Variants in C2CD5 observed in about 807,000 individuals in gnomAD.
C2CD5 encodes C2 calcium dependent domain containing 5, also known as C2 domain-containing protein 5.
C2CD5 carries 109 observed loss-of-function variants against 130.3 expected under a neutral mutation model. That is an observed-to-expected ratio of 0.84 (90% CI 0.72 to 0.98). The LOEUF (loss-of-function observed/expected upper bound fraction) is 0.98, where lower values mean the gene tolerates loss of function less well. Among genes scored for constraint, C2CD5 ranks in the 50% least tolerant of loss-of-function variants. The probability of loss-of-function intolerance (pLI) is 0.00; values close to 1 mark genes in which losing one functional copy is unlikely to be tolerated. For synonymous variants in C2CD5, 454 were observed against 429.2 expected, an observed-to-expected ratio of 1.06 and a Z score of -0.71; for missense variants, 996 against 1,261.8, an observed-to-expected ratio of 0.79 and a Z score of 3.19.
At chr12:22,478,546 T>C (rs1944214899) in intron 14 of C2CD5, 69 bp from the exon 15 acceptor site, 3 of 1,371,528 alleles carry the variant, frequency 2.2e-6, no homozygotes, top group Non-Finnish European at 2.0e-6. Flanking sequence ...AGTTTTCATA[T>C]TTAAGAATGT....
At chr12:22,543,880 C>T (rs1057380126) in intron 2 of C2CD5, among the ~76,000 whole-genome samples, 181 bp downstream of exon 2, 1 of 152,134 alleles carries the variant, frequency 6.6e-6, no homozygotes, top group Non-Finnish European at 1.5e-5. Flanking sequence ...CGCCTGCAAG[C>T]CGTGCACCCA....
chr12:22,510,407 T>G (rs1185704557), intron 9 of C2CD5, among the ~76,000 whole-genome samples: 1 of 152,194 alleles, frequency 6.6e-6, no homozygotes, highest in Non-Finnish European at 1.5e-5. Context: ...ATAAAAATAT[T>G]TAATAGTGTG....
intron 2 of C2CD5, among the ~76,000 whole-genome samples, chr12:22,537,285 C>T (rs1220137829): frequency 6.6e-6 from 1 of 152,126 alleles, no homozygotes; most frequent in Non-Finnish European, 1.5e-5. Context: ...CAGGGTGGTG[C>T]GTGCCTGGAG....
chr12:22,505,657 C>T (rs1948429911), intron 10 of C2CD5, among the ~76,000 whole-genome samples: 1 of 152,072 alleles, frequency 6.6e-6, no homozygotes, highest in Non-Finnish European at 1.5e-5. Context: ...ATGGAAAGTT[C>T]CCACTATTCA....
At chr12:22,536,473 C>T (rs1199513977) in intron 2 of C2CD5, among the ~76,000 whole-genome samples, 1 of 152,118 alleles carries the variant, frequency 6.6e-6, no homozygotes, top group East Asian at 1.9e-4. Context: ...TTCACATAAG[C>T]CCTCCCCACC....
At chr12:22,454,130 A>C (rs938819798) in intron 25 of C2CD5, 88 bp from the exon 26 acceptor site, 18 of 1,026,710 alleles carry the variant, frequency 1.8e-5, no homozygotes, top group Middle Eastern at 4.4e-4. Flanking sequence ...ATATATATTA[A>C]AACATCCTAA....
At chr12:22,475,716 C>T (rs756612446) in intron 15 of C2CD5, among the ~76,000 whole-genome samples, 27 of 152,218 alleles carry the variant, frequency 1.8e-4, no homozygotes, top group Admixed American at 1.6e-3. Context: ...TAAAAGACTA[C>T]CACTGCACAA....
At chr12:22,540,828 C>T (rs1215996281) in intron 2 of C2CD5, among the ~76,000 whole-genome samples, 1 of 152,176 alleles carries the variant, frequency 6.6e-6, no homozygotes, top group Non-Finnish European at 1.5e-5. Flanking sequence ...CACTACACTC[C>T]AGCCTGGGTG....
chr12:22,471,559 T>C, intron 19 of C2CD5, 71 bp from the exon 20 acceptor site: 1 of 800,434 alleles, frequency 1.2e-6, no homozygotes, highest in Non-Finnish European at 2.0e-6. Context: ...TTTTTTAATG[T>C]ACATTATATT....
rs764492011 is a variant in C2CD5 at position 22,527,813 on chromosome 12, A to G, written c.257T>C (p.Ile86Thr). ...ATCAATATCAATGTACACTTTACCA[A>G]TGGCATCATTTGCACTGTAAGTATC... ...DHDTYSANDA[I>T]GKVYIDIDPL... is the part of the protein sequence containing the mutation. The change falls in exon 4 of 27, where the codon ATT becomes ACT. Residue 86 changes from isoleucine (I) to threonine (T), a missense_variant. Coordinates refer to ENST00000446597, the MANE Select transcript of C2CD5 (RefSeq NM_001286176.2). The G allele has an allele frequency of 6.2e-7, 1 of 1,610,346 alleles. No individual in the cohort carries two copies. Among genetic ancestry groups the G allele is most frequent in the Non-Finnish European group, 8.5e-7 (1 of 1,176,792 alleles).
At chr12:22,456,368 T>G (rs1268709799) in intron 25 of C2CD5, among the ~76,000 whole-genome samples, 1 of 152,206 alleles carries the variant, frequency 6.6e-6, no homozygotes, top group African/African-American at 2.4e-5. Context: ...TAAGTTTAAA[T>G]TCCTGTGTTA....
At chr12:22,483,869 C>G (rs907860910) in intron 13 of C2CD5, among the ~76,000 whole-genome samples, 1 of 152,012 alleles carries the variant, frequency 6.6e-6, no homozygotes. Context: ...CAATGTGGAA[C>G]GCGTATGAGA....
intron 22 of C2CD5, among the ~76,000 whole-genome samples, chr12:22,459,991 A>G (rs1940781071): frequency 6.6e-6 from 1 of 152,242 alleles, no homozygotes; most frequent in African/African-American, 2.4e-5. Context: ...TGCTTCACAG[A>G]TCAGCATAAG....
intron 21 of C2CD5, 58 bp downstream of exon 21, chr12:22,470,766 T>C: frequency 9.8e-7 from 1 of 1,018,442 alleles, no homozygotes; most frequent in Non-Finnish European, 1.5e-6. Flanking sequence ...GTATATTTTA[T>C]CACTGAACCA....
In C2CD5 at chr12:22,482,746, G is replaced by A; in HGVS notation, c.1551-3C>T. Reference sequence around the variant, plus strand: ...CTTTCTTTTTTAAGCGACATAACCTGTAAAGGAAAATAAGTCAGTGAACAG... The same window carrying A: ...CTTTCTTTTTTAAGCGACATAACCTATAAAGGAAAATAAGTCAGTGAACAG... On this transcript the variant is annotated splice_polypyrimidine_tract_variant and splice_region_variant and intron_variant, in intron 13 of 26. Coordinates refer to ENST00000446597, the MANE Select transcript of C2CD5 (RefSeq NM_001286176.2). 1.2e-6 allele frequency: 2 copies of A among 1,609,514 alleles called. No homozygotes were observed. The highest frequency in any genetic ancestry group is 4.5e-5 in the East Asian group (2 of 44,774).
intron 22 of C2CD5, among the ~76,000 whole-genome samples, chr12:22,462,682 T>A (rs1428101980): frequency 6.6e-6 from 1 of 152,214 alleles, no homozygotes; most frequent in East Asian, 1.9e-4. Flanking sequence ...TTCTTCTAAA[T>A]AACTTGTCGT....
chr12:22,507,589 A>G (rs1948708342), intron 9 of C2CD5, among the ~76,000 whole-genome samples: 1 of 152,182 alleles, frequency 6.6e-6, no homozygotes. Context: ...AAAGCCAAGA[A>G]AGGAAATTCA....
At chr12:22,467,368 G>C (rs1056869134) in intron 22 of C2CD5, among the ~76,000 whole-genome samples, 1 of 151,868 alleles carries the variant, frequency 6.6e-6, no homozygotes, top group Non-Finnish European at 1.5e-5. Context: ...GAGACTCCTA[G>C]GCTCAAGCAA....
At chr12:22,497,646 G>GA in intron 10 of C2CD5, 6 of 897,398 alleles carry the variant, frequency 6.7e-6, no homozygotes, top group Non-Finnish European at 8.0e-6. Flanking sequence ...AAAGAAATTA[G>GA]AGAGTTCAGG....
Sources: allele counts gnomAD v4.1 joint callset (sites outside exome capture counted in the v4.1 genomes callset), GRCh38; gene constraint gnomAD v4.1.1; transcripts MANE v1.5; gene names NCBI Gene and HGNC (gene_info 2026-07-23, HGNC 2026-07-21).